WNT9B: variants seen among roughly 807,000 people sequenced by gnomAD.
WNT9B encodes the protein Wnt family member 9B, also known as protein Wnt-9b.
In WNT9B, 12 loss-of-function variants were observed where a neutral mutation model predicts 30.2. The observed-to-expected ratio is 0.40, with a 90% CI of 0.26 to 0.64. WNT9B has a LOEUF of 0.64. Ranked by LOEUF, WNT9B falls within the 30% of genes least tolerant of loss-of-function variation. The pLI is 0.42. For synonymous variants in WNT9B, 218 were observed against 216.9 expected, an observed-to-expected ratio of 1.01 and a Z score of -0.05; for missense variants, 442 against 485.2, an observed-to-expected ratio of 0.91 and a Z score of 0.84.
intron 1 of WNT9B, among the ~76,000 whole-genome samples, chr17:46,859,407 A>G (rs1237280814): frequency 1.3e-5 from 2 of 152,196 alleles, no homozygotes; most frequent in African/African-American, 4.8e-5. Context: ...TGAAATGATG[A>G]TGTTTTCTCC....
At chr17:46,850,604 G>A (rs1227274444), upstream of WNT9B, among the ~76,000 whole-genome samples, 7 of 152,116 alleles carry the variant, frequency 4.6e-5, no homozygotes, top group Non-Finnish European at 7.3e-5. Flanking sequence ...TGCTTGATTT[G>A]ACCCCGTGTT....
chr17:46,836,095 C>CACGT lies in WNT9B; in HGVS notation c.95+2655_95+2656insACGT, dbSNP rs771533837. On this transcript the variant is annotated intron_variant, in intron 1 of 2. Transcript: ENST00000575372. ...GGAACAGCAGCTGGAGAGACGCTGA[C>CACGT]GTGTGTGTGTGTGTGTGTGTGTGTG... 5.3e-3 allele frequency among the ~76,000 whole-genome samples: 671 copies of CACGT among 126,502 alleles called. 9 individuals carry two copies. The highest frequency in any genetic ancestry group is 0.021 in the African/African-American group (647 of 31,440). 83.0% of individuals were successfully genotyped at this position (126,502 alleles called of 152,430 possible).
At chr17:46,874,879 G>C (rs2085317457) in intron 2 of WNT9B, 7 of 697,996 alleles carry the variant, frequency 1.0e-5, no homozygotes, top group Non-Finnish European at 1.8e-5. Flanking sequence ...TGCCCAGCCT[G>C]GAAGTTCCAT....
chr17:46,869,628 A>G (rs2085203891), intron 1 of WNT9B, among the ~76,000 whole-genome samples: 1 of 152,266 alleles, frequency 6.6e-6, no homozygotes, highest in Non-Finnish European at 1.5e-5. Context: ...GTCAGAGGTC[A>G]TAATCAAGGA....
In WNT9B at chr17:46,876,768, C is replaced by G. The variant is rs776961985; in HGVS notation, c.*50C>G. The G allele has an allele frequency of 1.3e-6, 2 of 1,491,040 alleles. No individual in the cohort carries two copies. Among genetic ancestry groups the G allele is most frequent in the Non-Finnish European group, 1.8e-6 (2 of 1,118,450 alleles). 92.4% of individuals were successfully genotyped at this position (1,491,040 alleles called of 1,614,324 possible). On this transcript the variant is annotated 3_prime_UTR_variant, in exon 4 of 4. Coordinates refer to ENST00000290015, the MANE Select transcript of WNT9B (RefSeq NM_003396.3). ...GGCACTGCCAGGACCTCCTGTGGCA[C>G]CCTTCAAGCTGCCCAGCCGGCCCTC...
intron 1 of WNT9B, among the ~76,000 whole-genome samples, chr17:46,837,508 T>C (rs1170955265): frequency 2.0e-5 from 3 of 152,168 alleles, no homozygotes; most frequent in African/African-American, 7.2e-5. Flanking sequence ...TAGAACCCCA[T>C]GCAAGAGCTG....
At chr17:46,835,300 C>T (rs917416046) in intron 1 of WNT9B, among the ~76,000 whole-genome samples, 1 of 152,184 alleles carries the variant, frequency 6.6e-6, no homozygotes, top group Non-Finnish European at 1.5e-5. Context: ...CAAGCTCCGC[C>T]TCCCGGGTTC....
chr17:46,844,879 C>T (rs8071785), intron 1 of WNT9B, among the ~76,000 whole-genome samples: 29,761 of 151,322 alleles, frequency 0.2, 3,589 homozygotes, highest in East Asian at 0.5. Flanking sequence ...GAGTTTTGCT[C>T]TTGTTGCCCC....
chr17:46,873,086 TCACACACACACACACACACACACA>T (rs61118325), intron 2 of WNT9B, among the ~76,000 whole-genome samples: 7 of 139,916 alleles, frequency 5.0e-5, no homozygotes, highest in African/African-American at 1.9e-4. Flanking sequence ...CTCTGCCTCT[TCACACACACACACACACACACACA>T]CACACACACA....
At chr17:46,839,950 TTC>T in intron 1 of WNT9B, among the ~76,000 whole-genome samples, 1 of 148,880 alleles carries the variant, frequency 6.7e-6, no homozygotes, top group East Asian at 1.9e-4. Flanking sequence ...CTTTCTTTCT[TTC>T]TTTCTTTCTT....
chr17:46,841,898 T>G (rs2084718939), intron 1 of WNT9B, among the ~76,000 whole-genome samples: 1 of 152,140 alleles, frequency 6.6e-6, no homozygotes, highest in South Asian at 2.1e-4. Flanking sequence ...CTGCGGTGTG[T>G]GGGGGGGTCT....
intron 3 of WNT9B, 100 bp downstream of exon 3, chr17:46,875,466 G>T: frequency 7.1e-7 from 1 of 1,412,658 alleles, no homozygotes. Context: ...CAAAATACAT[G>T]AAGAGCCGTG....
Position 46,862,556 on chromosome 17 carries a change from G to T in WNT9B, c.78-9961G>T, listed in dbSNP as rs78557104. Among the ~76,000 whole-genome samples the T allele has an allele frequency of 8.5e-3, 1,291 of 152,280 alleles. 18 individuals carry two copies. The highest frequency in any genetic ancestry group is 0.029 in the African/African-American group (1,208 of 41,556). On this transcript the variant is annotated intron_variant, in intron 1 of 3. Coordinates refer to ENST00000290015, the MANE Select transcript of WNT9B (RefSeq NM_003396.3). ...TTCTGAGCCCAAGTCACTGCGAGAG[G>T]TTGTGCAAGCTGAGTTTTTTTTGTT...
downstream of WNT9B, among the ~76,000 whole-genome samples, chr17:46,881,384 G>C (rs2085420475): frequency 6.6e-6 from 1 of 152,236 alleles, no homozygotes. Flanking sequence ...GCAGCAGCAG[G>C]CTCCAGTTTA....
chr17:46,865,787 A>C (rs1048269583), intron 1 of WNT9B, among the ~76,000 whole-genome samples: 2 of 151,922 alleles, frequency 1.3e-5, no homozygotes, highest in Admixed American at 1.3e-4. Context: ...TTAATTTTTA[A>C]TTTTGTAGAG....
chr17:46,866,582 G>A (rs1023478031), intron 1 of WNT9B, among the ~76,000 whole-genome samples: 2 of 152,084 alleles, frequency 1.3e-5, no homozygotes, highest in African/African-American at 2.4e-5. Flanking sequence ...GCCTTGCAGC[G>A]GAAGCCTGTT....
intron 1 of WNT9B, among the ~76,000 whole-genome samples, chr17:46,866,770 C>A (rs1410594489): frequency 6.6e-6 from 1 of 152,120 alleles, no homozygotes; most frequent in Non-Finnish European, 1.5e-5. Flanking sequence ...CTAGAAACCA[C>A]CTGCCTTGTC....
intron 1 of WNT9B, among the ~76,000 whole-genome samples, chr17:46,845,753 G>T (rs8080569): frequency 0.2 from 28,837 of 146,658 alleles, 3,476 homozygotes; most frequent in East Asian, 0.5. Context: ...CTCCCAAAGT[G>T]CAGGGATTAC....
At chr17:46,837,566 G>A (rs2084648363) in intron 1 of WNT9B, among the ~76,000 whole-genome samples, 1 of 152,200 alleles carries the variant, frequency 6.6e-6, no homozygotes, top group African/African-American at 2.4e-5. Context: ...GCCCAGGGAG[G>A]CTGTGTGACC....
Sources: allele counts gnomAD v4.1 joint callset (sites outside exome capture counted in the v4.1 genomes callset), GRCh38; gene constraint gnomAD v4.1.1; transcripts MANE v1.5; gene names NCBI Gene and HGNC (gene_info 2026-07-23, HGNC 2026-07-21).